Variants in WDR7 observed in about 807,000 individuals in gnomAD.
WDR7 encodes the protein WD repeat-containing protein 7.
Under a neutral mutation model 169.4 loss-of-function variants are expected in WDR7, and 46 were observed. The observed-to-expected ratio is 0.27, with a 90% CI of 0.21 to 0.35. WDR7 has a LOEUF of 0.35. WDR7 is among the 10% of genes least tolerant of loss of function. The pLI is 1.00. For synonymous variants in WDR7, 612 were observed against 666.8 expected (o/e 0.92, Z 1.27); for missense variants, 1,534 against 1,859.3 (o/e 0.83, Z 3.22).
chr18:57,017,197 A>G (rs1271756712), intron 26 of WDR7, among the ~76,000 whole-genome samples: 2 of 152,226 alleles, frequency 1.3e-5, no homozygotes, highest in Non-Finnish European at 2.9e-5. Flanking sequence ...CAACATTTCC[A>G]TTACAGTGAG....
At chr18:56,781,780 A>G (rs1232161506) in intron 19 of WDR7, 124 bp downstream of exon 19, 3 of 1,069,686 alleles carry the variant, frequency 2.8e-6, no homozygotes, top group Admixed American at 3.6e-5. Context: ...AGTGAAAAGA[A>G]CAGATCCTCA....
chr18:56,699,754 C>T (rs2025782251), intron 12 of WDR7: 1 of 908,014 alleles, frequency 1.1e-6, no homozygotes, highest in Non-Finnish European at 1.3e-6. Flanking sequence ...AGAAAAAGTA[C>T]TCAGCTAAAT....
chr18:56,924,458 A>G (rs2046775565), intron 22 of WDR7, among the ~76,000 whole-genome samples: 1 of 152,330 alleles, frequency 6.6e-6, no homozygotes, highest in South Asian at 2.1e-4. Context: ...GATTATGGCC[A>G]GCATACGTGG....
intron 13 of WDR7, among the ~76,000 whole-genome samples, 193 bp downstream of exon 13, chr18:56,718,352 TAA>T (rs1252716995): frequency 6.6e-6 from 1 of 152,174 alleles, no homozygotes; most frequent in Non-Finnish European, 1.5e-5. Context: ...CACGAATCTT[TAA>T]AAGCATGTAA....
intron 25 of WDR7, among the ~76,000 whole-genome samples, chr18:56,951,369 C>T (rs982152186): frequency 3.3e-5 from 5 of 152,126 alleles, no homozygotes; most frequent in African/African-American, 9.7e-5. Flanking sequence ...AGAGCCAGGG[C>T]GCACACTCCC....
intron 14 of WDR7, among the ~76,000 whole-genome samples, chr18:56,743,531 G>A (rs2043651749): frequency 6.6e-6 from 1 of 152,180 alleles, no homozygotes; most frequent in Admixed American, 6.5e-5. Flanking sequence ...AAATGCAGTA[G>A]ATGTTGGGTA....
At chr18:56,987,552 A>G (rs1436483399) in intron 26 of WDR7, among the ~76,000 whole-genome samples, 2 of 152,204 alleles carry the variant, frequency 1.3e-5, no homozygotes, top group African/African-American at 4.8e-5. Context: ...CTTCAAGTGC[A>G]CCATATCTGA....
chr18:56,766,912 T>C (rs1353397971), intron 16 of WDR7, among the ~76,000 whole-genome samples: 1 of 152,260 alleles, frequency 6.6e-6, no homozygotes, highest in Non-Finnish European at 1.5e-5. Flanking sequence ...TGTGCTTTCC[T>C]GCCTCTTTGC....
intron 20 of WDR7, among the ~76,000 whole-genome samples, chr18:56,839,989 G>A (rs1409885779): frequency 1.3e-5 from 2 of 152,170 alleles, no homozygotes; most frequent in African/African-American, 2.4e-5. Context: ...TTGTACCCAG[G>A]AGGCGGATGT....
intron 26 of WDR7, among the ~76,000 whole-genome samples, chr18:56,998,617 A>G (rs1040824436): frequency 6.6e-6 from 1 of 152,220 alleles, no homozygotes; most frequent in Non-Finnish European, 1.5e-5. Context: ...AGCTGAAGCT[A>G]GAAGGTCCAC....
chr18:56,668,970 A>G (rs2025077753), intron 1 of WDR7, among the ~76,000 whole-genome samples: 1 of 151,888 alleles, frequency 6.6e-6, no homozygotes, highest in African/African-American at 2.4e-5. Context: ...TGCATTACAT[A>G]TATGGTCGCT....
Position 56,758,966 on chromosome 18 carries a change from C to A in WDR7, c.2848+13C>A. 1 of 1,596,052 alleles carries A rather than the reference C, an allele frequency of 6.3e-7. No homozygotes were observed. The highest frequency in any genetic ancestry group is 1.1e-5 in the South Asian group (1 of 88,990). On this transcript the variant is annotated intron_variant, in intron 16 of 27. Transcript: ENST00000254442. ...CAGATTAAACAAGGTAAAATTAAAT[C>A]TTATTAAGTAATTGACATGACATTT...
chr18:56,877,760 CAT>C (rs914712324), intron 20 of WDR7, among the ~76,000 whole-genome samples: 19 of 152,022 alleles, frequency 1.2e-4, no homozygotes, highest in Non-Finnish European at 4.4e-5. Context: ...TTTCAGGTAA[CAT>C]TGATATAATT....
chr18:56,975,978 C>A (rs568138796), intron 26 of WDR7, among the ~76,000 whole-genome samples: 1 of 152,146 alleles, frequency 6.6e-6, no homozygotes, highest in Non-Finnish European at 1.5e-5. Context: ...GAATGCCTGG[C>A]GTTACTTTCA....
intron 16 of WDR7, among the ~76,000 whole-genome samples, chr18:56,761,670 TA>T (rs956768564): frequency 6.6e-6 from 1 of 151,910 alleles, no homozygotes; most frequent in Non-Finnish European, 1.5e-5. Context: ...TCATAACTCA[TA>T]TGGTTTTATG....
chr18:56,730,933 G>A (rs1263528690), intron 13 of WDR7, among the ~76,000 whole-genome samples: 1 of 152,068 alleles, frequency 6.6e-6, no homozygotes, highest in Non-Finnish European at 1.5e-5. Flanking sequence ...TCTGTTTTGT[G>A]GAAGTTTCTT....
intron 21 of WDR7, among the ~76,000 whole-genome samples, chr18:56,880,998 G>T (rs2046099505): frequency 6.6e-6 from 1 of 152,112 alleles, no homozygotes; most frequent in Non-Finnish European, 1.5e-5. Context: ...TATTCTTGTA[G>T]AACAAAATGC....
intron 26 of WDR7, 76 bp downstream of exon 26, chr18:56,962,605 A>C (rs770794100): frequency 1.6e-5 from 21 of 1,331,014 alleles, no homozygotes; most frequent in Non-Finnish European, 2.0e-5. Flanking sequence ...GCACTTCACC[A>C]GTTGACGTGC....
At chr18:56,696,623 A>G in intron 12 of WDR7, 161 bp downstream of exon 12, 1 of 635,492 alleles carries the variant, frequency 1.6e-6, no homozygotes, top group Non-Finnish European at 2.6e-6. Flanking sequence ...CATTTAGGCA[A>G]AGTTACGGCC....
Sources: allele counts gnomAD v4.1 joint callset (sites outside exome capture counted in the v4.1 genomes callset), GRCh38; gene constraint gnomAD v4.1.1; transcripts MANE v1.5; gene names NCBI Gene and HGNC (gene_info 2026-07-23, HGNC 2026-07-21).